NOVA1: variants seen among roughly 807,000 people sequenced by gnomAD.
The protein encoded by NOVA1 is RNA-binding protein Nova-1.
In NOVA1, 7 loss-of-function variants were observed where a neutral mutation model predicts 38.0. The ratio of observed to expected loss-of-function variants is 0.18; its 90% CI spans 0.10 to 0.35. The LOEUF (loss-of-function observed/expected upper bound fraction) is 0.35, where lower values mean the gene tolerates loss of function less well. Ranked by LOEUF, NOVA1 falls within the 10% of genes least tolerant of loss-of-function variation. The probability of loss-of-function intolerance (pLI) is 1.00; values close to 1 mark genes in which losing one functional copy is unlikely to be tolerated. For synonymous variants in NOVA1, 270 were observed against 232.5 expected, an observed-to-expected ratio of 1.16 and a Z score of -1.47; for missense variants, 460 against 616.0, an observed-to-expected ratio of 0.75 and a Z score of 2.68.
chr14:26,531,424 A>G (rs1889699894), intron 2 of NOVA1, among the ~76,000 whole-genome samples: 2 of 152,138 alleles, frequency 1.3e-5, no homozygotes, highest in African/African-American at 2.4e-5. Flanking sequence ...CCTGACCAAC[A>G]TGAACAAACC....
At chr14:26,540,438 CG>C (rs1198796479) in intron 2 of NOVA1, among the ~76,000 whole-genome samples, 4 of 152,162 alleles carry the variant, frequency 2.6e-5, no homozygotes, top group Admixed American at 2.0e-4. Flanking sequence ...CCAAAAAGGT[CG>C]GGGGCTGCTG....
At chr14:26,470,382 G>A (rs1255977492) in intron 4 of NOVA1, 3 of 1,510,002 alleles carry the variant, frequency 2.0e-6, no homozygotes, top group Non-Finnish European at 9.1e-7. Context: ...TAATTACAAA[G>A]TATTAATAAT....
At chr14:26,450,382 T>C (rs373174231) in intron 4 of NOVA1, among the ~76,000 whole-genome samples, 2 of 149,814 alleles carry the variant, frequency 1.3e-5, no homozygotes, top group African/African-American at 2.4e-5. Flanking sequence ...ACACATATAA[T>C]ACACACACAC....
At chr14:26,561,442 C>T (rs1891815012) in intron 2 of NOVA1, among the ~76,000 whole-genome samples, 1 of 152,182 alleles carries the variant, frequency 6.6e-6, no homozygotes, top group Non-Finnish European at 1.5e-5. Context: ...CATCCTATCA[C>T]AAAACTTCTT....
In NOVA1 at chr14:26,595,492, C is replaced by T. The variant is rs1422378795; in HGVS notation, c.198G>A (p.Gly66=). The T allele has an allele frequency of 3.7e-6, 6 of 1,613,690 alleles. No individual in the cohort carries two copies. In the South Asian group the frequency reaches 4.4e-5, roughly 12 times the overall value. The change falls in exon 2 of 5, where the codon GGG becomes GGA. Residue 66 remains glycine (G), a synonymous_variant. Transcript: ENST00000539517. ...ACTGAACAATTGTCTGTCCTCCCTTCCCAATTATAGATCCAGCAGCATAAC... is the reference window on the plus strand; with the variant it reads ...ACTGAACAATTGTCTGTCCTCCCTTTCCAATTATAGATCCAGCAGCATAAC... The part of the protein sequence containing the change: ...IPSYAAGSII[G]KGGQTIVQLQ...
At chr14:26,499,544 C>G (rs1415824014) in intron 2 of NOVA1, among the ~76,000 whole-genome samples, 1 of 152,090 alleles carries the variant, frequency 6.6e-6, no homozygotes, top group Non-Finnish European at 1.5e-5. Flanking sequence ...TATAGAAACT[C>G]TATGGGTAAC....
rs376814283 is a variant in NOVA1, at chr14:26,448,241, T to G, written c.1242A>C (p.Glu414Asp). ...CATCCTTGGATCCATCTGTGGACTT[T>G]TCTGTTCCTAGAATGGCACTGGCAG... ...PLAASAILGT[E>D]KSTDGSKDVV... The change falls in exon 5 of 5, where the codon GAA becomes GAC. Residue 414 changes from glutamate to aspartate, a missense_variant. Glu to Asp is a conservative substitution (Grantham distance 45). Transcript: ENST00000539517. This position sits in a 1 kb window ranked among gnomAD's most constrained non-coding sequence, Gnocchi z 5.3. The G allele has an allele frequency of 6.2e-7, 1 of 1,614,124 alleles. No individual in the cohort carries two copies. The highest frequency in any genetic ancestry group is 1.3e-5 in the African/African-American group (1 of 74,946).
chr14:26,510,912 A>G (rs1026132675), intron 2 of NOVA1, among the ~76,000 whole-genome samples: 2 of 152,228 alleles, frequency 1.3e-5, no homozygotes, highest in Admixed American at 1.3e-4. Flanking sequence ...TCATTGGTGG[A>G]TAATGATAAA....
intron 2 of NOVA1, among the ~76,000 whole-genome samples, chr14:26,523,992 C>T (rs1169431189): frequency 6.6e-6 from 1 of 152,078 alleles, no homozygotes; most frequent in African/African-American, 2.4e-5. Flanking sequence ...ACCTCGTGAT[C>T]TGCCCGCCTT....
At chr14:26,452,018 G>A (rs1414051446) in intron 4 of NOVA1, among the ~76,000 whole-genome samples, 1 of 152,048 alleles carries the variant, frequency 6.6e-6, no homozygotes, top group Admixed American at 6.6e-5. Flanking sequence ...TCTAACTTTA[G>A]ACAATAGGCT....
chr14:26,583,466 A>G (rs945625344), intron 2 of NOVA1, among the ~76,000 whole-genome samples: 6 of 151,558 alleles, frequency 4.0e-5, no homozygotes, highest in Admixed American at 4.0e-4. Context: ...TAGCACTTAA[A>G]TAAAGATTAC....
intron 4 of NOVA1, among the ~76,000 whole-genome samples, chr14:26,461,148 T>A (rs1470916178): frequency 6.6e-6 from 1 of 152,126 alleles, no homozygotes; most frequent in East Asian, 1.9e-4. Context: ...ATCTACCTAG[T>A]ATGAGCCAAT....
At chr14:26,451,908 G>A (rs528211466) in intron 4 of NOVA1, among the ~76,000 whole-genome samples, 1 of 152,082 alleles carries the variant, frequency 6.6e-6, no homozygotes, top group Admixed American at 6.5e-5. Flanking sequence ...ATATTGATGT[G>A]GCCCCAAGTT....
At chr14:26,521,161 T>C (rs905918746) in intron 2 of NOVA1, among the ~76,000 whole-genome samples, 16 of 152,142 alleles carry the variant, frequency 1.1e-4, no homozygotes, top group East Asian at 3.9e-4. Context: ...TCAGCATGAC[T>C]ATTTTAGGTC....
chr14:26,597,647 C>T lies in NOVA1; in HGVS notation c.-211G>A. On this transcript the variant is annotated 5_prime_UTR_variant, in exon 1 of 5. Transcript: ENST00000539517. ...GGGAGGGGGCAGGGCTGAGGAGCAGCTGCAGTGCAGTGTCAGAAAGGAGAC... is the reference window on the plus strand; with the variant it reads ...GGGAGGGGGCAGGGCTGAGGAGCAGTTGCAGTGCAGTGTCAGAAAGGAGAC... 8.3e-7 allele frequency: 1 copy of T among 1,207,024 alleles called. No individual in the cohort carries two copies. Among genetic ancestry groups the T allele is most frequent in the Non-Finnish European group, 1.0e-6 (1 of 976,012 alleles). The allele number at this position is 1,207,024 out of a possible 1,614,324, so 74.8% of individuals were successfully genotyped here. A position where few individuals can be genotyped will look rare whatever the true frequency, so the allele number is the denominator to read the frequency against.
In NOVA1 at chr14:26,480,205, A is replaced by G. The variant is rs981235962; in HGVS notation, c.281-62T>C. On this transcript the variant is annotated intron_variant, in intron 2 of 4. Coordinates refer to ENST00000539517, the MANE Select transcript of NOVA1 (RefSeq NM_002515.3). The stretch of plus-strand genomic sequence containing the variant: ...CACTTTGCATTAAAAAAATTATGAA[A>G]AAGGATGATATCATAACGCCAAAAA... The G allele has an allele frequency of 2.1e-5, 30 of 1,458,426 alleles. No homozygotes were observed. In the African/African-American group the frequency reaches 4.1e-4, roughly 20 times the overall value. 90.3% of individuals were successfully genotyped at this position (1,458,426 alleles called of 1,614,324 possible). A position where few individuals can be genotyped will look rare whatever the true frequency, so the allele number is the denominator to read the frequency against.
intron 2 of NOVA1, among the ~76,000 whole-genome samples, chr14:26,573,864 G>C (rs1046837747): frequency 2.0e-5 from 3 of 152,018 alleles, no homozygotes; most frequent in Admixed American, 2.0e-4. Context: ...AGACTGAGTA[G>C]CAGAATCAAC....
At chr14:26,539,938 CCT>C (rs1462698806) in intron 2 of NOVA1, among the ~76,000 whole-genome samples, 2 of 152,096 alleles carry the variant, frequency 1.3e-5, no homozygotes, top group African/African-American at 4.8e-5. Context: ...CAGAGTTACT[CCT>C]CTTAGGAGGC....
At position 26,455,110 on chromosome 14, in the gene NOVA1, G is replaced by GT. The variant is rs532641366; in HGVS notation, c.520-6148dup. 1.1e-3 allele frequency among the ~76,000 whole-genome samples: 173 copies of GT among 152,252 alleles called. 1 individual carries two copies. Among genetic ancestry groups the GT allele is most frequent in the African/African-American group, 4.0e-3 (166 of 41,564 alleles). On this transcript the variant is annotated intron_variant, in intron 4 of 4. Coordinates refer to ENST00000539517, the MANE Select transcript of NOVA1 (RefSeq NM_002515.3). ...CAGTTCTTCCAACTTCCACTAGTTTGTTTAATCTACTTTTGATAACCAAAT... is the reference window on the plus strand; with the variant it reads ...CAGTTCTTCCAACTTCCACTAGTTTGTTTTAATCTACTTTTGATAACCAAAT...
Sources: gnomAD v4.1 joint callset for allele counts (sites outside exome capture counted in the v4.1 genomes callset) on GRCh38, gnomAD v4.1.1 for gene constraint, Gnocchi (gnomAD v3.1) non-coding constraint, MANE v1.5 for transcripts, NCBI Gene and HGNC (gene_info 2026-07-23, HGNC 2026-07-21) for gene names.